Variants in SSH2 observed in about 807,000 individuals in gnomAD.
SSH2 encodes the protein slingshot protein phosphatase 2.
A neutral mutation model predicts 135.2 loss-of-function variants in SSH2; 37 were observed. The observed-to-expected ratio is 0.27, with a 90% CI of 0.21 to 0.36. The LOEUF (loss-of-function observed/expected upper bound fraction) is 0.36. Ranked by LOEUF, SSH2 falls within the 10% of genes least tolerant of loss-of-function variation. The probability of loss-of-function intolerance (pLI) is 1.00; values close to 1 mark genes in which losing one functional copy is unlikely to be tolerated. For missense variants in SSH2, 1,408 were observed against 1,765.3 expected, an observed-to-expected ratio of 0.80 and a Z score of 3.63; for synonymous variants, 628 against 646.2, an observed-to-expected ratio of 0.97 and a Z score of 0.43.
intron 3 of SSH2, among the ~76,000 whole-genome samples, chr17:29,742,461 G>A (rs113177324): frequency 0.059 from 8,460 of 143,804 alleles, 499 homozygotes; most frequent in African/African-American, 0.16. Flanking sequence ...TAGGACGAGA[G>A]GTATGTGCCA....
chr17:29,679,409 T>A (rs975284264), intron 6 of SSH2, among the ~76,000 whole-genome samples: 2 of 150,190 alleles, frequency 1.3e-5, no homozygotes, highest in African/African-American at 4.9e-5. Context: ...TTATTTTTAT[T>A]TTTTTTTTTA....
chr17:29,684,949 G>C (rs138635560), intron 5 of SSH2, among the ~76,000 whole-genome samples: 67 of 152,252 alleles, frequency 4.4e-4, no homozygotes, highest in Non-Finnish European at 1.5e-4. Flanking sequence ...CACAGTGCTT[G>C]GCACACAGTA....
At chr17:29,647,277 G>A (rs1406759669) in intron 14 of SSH2, among the ~76,000 whole-genome samples, 1 of 149,924 alleles carries the variant, frequency 6.7e-6, no homozygotes, top group Non-Finnish European at 1.5e-5. Flanking sequence ...AAAAAAAAGA[G>A]TCGGCCAAAG....
At chr17:29,668,070 C>T (rs1280039177) in intron 9 of SSH2, among the ~76,000 whole-genome samples, 1 of 152,190 alleles carries the variant, frequency 6.6e-6, no homozygotes, top group Admixed American at 6.5e-5. Context: ...TTCATCTCCT[C>T]CCCAACTCCC....
rs1364769446 is a variant in SSH2 at position 29,733,837 on chromosome 17, C to T, written c.189-30775G>A. On this transcript the variant is annotated intron_variant, in intron 3 of 15. Transcript: ENST00000540801. ...AATATTCTCATTTAACACTAAAAAG[C>T]TGAAATAATCCCCTTGGAGGAAAAA... Among the ~76,000 whole-genome samples, 6 of 151,832 alleles carry T rather than the reference C, an allele frequency of 4.0e-5. No individual in the cohort carries two copies. The South Asian group carries it at 1.0e-3, about 26-fold the overall frequency.
chr17:29,771,215 T>C (rs2041579180), intron 3 of SSH2, among the ~76,000 whole-genome samples: 2 of 152,356 alleles, frequency 1.3e-5, no homozygotes, highest in South Asian at 4.1e-4. Context: ...ATAATGCATA[T>C]TTATATAGAC....
intron 3 of SSH2, among the ~76,000 whole-genome samples, chr17:29,710,121 A>C (rs2039381348): frequency 6.6e-6 from 1 of 152,228 alleles, no homozygotes; most frequent in South Asian, 2.1e-4. Flanking sequence ...ACCAGCAGGA[A>C]GGTCAAGGAA....
intron 3 of SSH2, among the ~76,000 whole-genome samples, chr17:29,731,437 A>G (rs1046488353): frequency 1.4e-5 from 2 of 146,830 alleles, no homozygotes; most frequent in African/African-American, 5.0e-5. Context: ...TTATTTATTT[A>G]TTTATTTATT....
At chr17:29,896,866 G>GTTCT (rs2066455370) in intron 1 of SSH2, among the ~76,000 whole-genome samples, 1 of 151,762 alleles carries the variant, frequency 6.6e-6, no homozygotes, top group African/African-American at 2.4e-5. Flanking sequence ...GAGATTAACA[G>GTTCT]TTCTTCACTG....
intron 3 of SSH2, among the ~76,000 whole-genome samples, chr17:29,754,012 C>T (rs1350426588): frequency 1.3e-5 from 2 of 152,158 alleles, no homozygotes; most frequent in African/African-American, 4.8e-5. Flanking sequence ...AATGCTTGTT[C>T]TAGTTTCAGT....
chr17:29,777,682 T>TACGC (rs1354395848), intron 3 of SSH2: 1 of 161,584 alleles, frequency 6.2e-6, no homozygotes, highest in Non-Finnish European at 1.4e-5. Flanking sequence ...AACAGCAGCC[T>TACGC]CCTTGGTGGT....
intron 1 of SSH2, among the ~76,000 whole-genome samples, chr17:29,867,832 G>T (rs184762870): frequency 3.9e-5 from 6 of 152,316 alleles, no homozygotes; most frequent in Admixed American, 3.3e-4. Context: ...AGAACTGAAA[G>T]ATTTAGCTCT....
At position 29,864,682 on chromosome 17, in the gene SSH2, G is replaced by C. The variant is rs1048597210; in HGVS notation, c.64-15753C>G. ...AAAGAAACAACGCTGTCATCTCCTT[G>C]AGGTAGTTTTGTTTGTTTTTTGTTT... On this transcript the variant is annotated intron_variant, in intron 1 of 15. Transcript: ENST00000540801. Among the ~76,000 whole-genome samples, 6 of 136,138 alleles carry C rather than the reference G, an allele frequency of 4.4e-5. No individual in the cohort carries two copies. The South Asian group carries it at 1.5e-3, about 35-fold the overall frequency. 89.3% of individuals were successfully genotyped at this position (136,138 alleles called of 152,430 possible).
intron 3 of SSH2, among the ~76,000 whole-genome samples, chr17:29,724,547 C>CAAAA (rs1186523685): frequency 9.6e-6 from 1 of 104,144 alleles, no homozygotes; most frequent in Middle Eastern, 8.5e-3. Context: ...AAAAAAAAAA[C>CAAAA]AAAACCCTAT....
chr17:29,805,771 C>T (rs8081254), intron 2 of SSH2, among the ~76,000 whole-genome samples: 4 of 151,536 alleles, frequency 2.6e-5, no homozygotes, highest in Admixed American at 1.3e-4. Context: ...GAAACAACAT[C>T]AAAAAGCCCA....
At chr17:29,892,873 T>C (rs2066375851) in intron 1 of SSH2, among the ~76,000 whole-genome samples, 1 of 152,002 alleles carries the variant, frequency 6.6e-6, no homozygotes, top group Non-Finnish European at 1.5e-5. Context: ...TAATGATCAC[T>C]TCCCCTCAGC....
intron 2 of SSH2, among the ~76,000 whole-genome samples, chr17:29,809,519 C>T (rs1301562960): frequency 6.6e-6 from 1 of 152,004 alleles, no homozygotes; most frequent in Non-Finnish European, 1.5e-5. Flanking sequence ...CTAGAATACC[C>T]TTCATTCCCC....
intron 9 of SSH2, among the ~76,000 whole-genome samples, chr17:29,670,367 T>C (rs540622318): frequency 2.6e-5 from 4 of 152,328 alleles, no homozygotes; most frequent in African/African-American, 7.2e-5. Flanking sequence ...TTTCAATTAC[T>C]GTGAGATCTT....
At chr17:29,919,290 C>T (rs2151483895) in intron 1 of SSH2, among the ~76,000 whole-genome samples, 1 of 152,308 alleles carries the variant, frequency 6.6e-6, no homozygotes, top group South Asian at 2.1e-4. Context: ...TAAGCTGGAA[C>T]AGAGTATTAT....
Sources: gnomAD v4.1 joint callset for allele counts (sites outside exome capture counted in the v4.1 genomes callset) on GRCh38, gnomAD v4.1.1 for gene constraint, MANE v1.5 for transcripts, NCBI Gene and HGNC (gene_info 2026-07-23, HGNC 2026-07-21) for gene names.